The following SLC4A5 variants were observed in gnomAD, a reference collection of about 807,000 sequenced individuals.
SLC4A5 encodes solute carrier family 4 member 5.
SLC4A5 carries 96 observed loss-of-function variants against 120.4 expected under a neutral mutation model. The ratio of observed to expected loss-of-function variants is 0.80; its 90% CI spans 0.68 to 0.94. The LOEUF is 0.94. Ranked by LOEUF, SLC4A5 falls within the 40% of genes least tolerant of loss-of-function variation. The pLI, the probability that SLC4A5 is intolerant of heterozygous loss-of-function variation, is 0.00. For missense variants in SLC4A5, 1,259 were observed against 1,459.5 expected, an observed-to-expected ratio of 0.86 and a Z score of 2.24; for synonymous variants, 550 against 571.1, an observed-to-expected ratio of 0.96 and a Z score of 0.53.
At chr2:74,326,101 T>C (rs1233458841) in intron 5 of SLC4A5, among the ~76,000 whole-genome samples, 1 of 152,150 alleles carries the variant, frequency 6.6e-6, no homozygotes, top group South Asian at 2.1e-4. Flanking sequence ...CCTGGTATTA[T>C]AATAAGTCCC....
At chr2:74,271,568 A>G (rs1372095786) in intron 8 of SLC4A5, among the ~76,000 whole-genome samples, 1 of 152,092 alleles carries the variant, frequency 6.6e-6, no homozygotes, top group Admixed American at 6.6e-5. Context: ...ATCATGTTTT[A>G]TGATTGTTTT....
At chr2:74,332,148 C>T (rs540935437) in intron 4 of SLC4A5, among the ~76,000 whole-genome samples, 1 of 152,294 alleles carries the variant, frequency 6.6e-6, no homozygotes, top group African/African-American at 2.4e-5. Context: ...TATCTTATTT[C>T]TCATTTGATT....
chr2:74,264,565 T>C (rs1422713416), intron 9 of SLC4A5, among the ~76,000 whole-genome samples: 1 of 151,350 alleles, frequency 6.6e-6, no homozygotes, highest in African/African-American at 2.4e-5. Flanking sequence ...AAATAAACAG[T>C]ACATATGAAA....
At chr2:74,260,368 T>C (rs757529903) in intron 11 of SLC4A5, among the ~76,000 whole-genome samples, 3 of 152,012 alleles carry the variant, frequency 2.0e-5, no homozygotes, top group Non-Finnish European at 4.4e-5. Flanking sequence ...GGCCTTGTCT[T>C]TGCTCTCATC....
chr2:74,312,551 G>A (rs1321164543), intron 6 of SLC4A5, among the ~76,000 whole-genome samples: 2 of 152,010 alleles, frequency 1.3e-5, no homozygotes, highest in Non-Finnish European at 2.9e-5. Context: ...ATTTAATGTA[G>A]GTTTCTTGTC....
intron 14 of SLC4A5, among the ~76,000 whole-genome samples, chr2:74,253,653 T>C (rs1239925046): frequency 6.6e-6 from 1 of 152,040 alleles, no homozygotes; most frequent in East Asian, 1.9e-4. Context: ...TAATTTTACA[T>C]AAACACACTC....
At chr2:74,304,261 C>G (rs975386543) in intron 7 of SLC4A5, among the ~76,000 whole-genome samples, 1 of 152,190 alleles carries the variant, frequency 6.6e-6, no homozygotes, top group East Asian at 1.9e-4. Context: ...GGATCAGAGT[C>G]GAGGTCTCAA....
At chr2:74,263,480 A>AGTAG (rs1671206088) in intron 10 of SLC4A5, among the ~76,000 whole-genome samples, 1 of 152,220 alleles carries the variant, frequency 6.6e-6, no homozygotes, top group Admixed American at 6.5e-5. Context: ...TGACAGGCTC[A>AGTAG]GTAGGGCTAG....
chr2:74,231,286 T>C, exon 25 of SLC4A5: 1 of 1,612,420 alleles, frequency 6.2e-7, no homozygotes, highest in Non-Finnish European at 8.5e-7. Flanking sequence ...ATGAAGACGA[T>C]GATGCCGGTT....
At chr2:74,303,064 TTG>T (rs1018020092) in intron 7 of SLC4A5, among the ~76,000 whole-genome samples, 3 of 149,746 alleles carry the variant, frequency 2.0e-5, no homozygotes, top group Non-Finnish European at 4.5e-5. Context: ...AAGTGTTTTT[TTG>T]TGTGTGTGTG....
At chr2:74,319,229 G>C (rs963404776) in intron 5 of SLC4A5, among the ~76,000 whole-genome samples, 1 of 152,106 alleles carries the variant, frequency 6.6e-6, no homozygotes, top group East Asian at 1.9e-4. Flanking sequence ...GGGTAGGAAG[G>C]GGGTGAGGGT....
chr2:74,274,511 A>C (rs1424134119), intron 8 of SLC4A5, among the ~76,000 whole-genome samples: 2 of 152,206 alleles, frequency 1.3e-5, no homozygotes, highest in East Asian at 3.8e-4. Flanking sequence ...AGTATAAAAG[A>C]CTGAGGGGGC....
At chr2:74,284,706 C>A (rs1403355614) in intron 8 of SLC4A5, among the ~76,000 whole-genome samples, 1 of 152,028 alleles carries the variant, frequency 6.6e-6, no homozygotes, top group African/African-American at 2.4e-5. Flanking sequence ...CAGTTAAGTC[C>A]CAAGGCCCCT....
intron 8 of SLC4A5, among the ~76,000 whole-genome samples, chr2:74,281,812 A>C (rs961644291): frequency 2.6e-5 from 4 of 151,742 alleles, no homozygotes; most frequent in Non-Finnish European, 1.5e-5. Flanking sequence ...TAAAGCAAAC[A>C]CTCCCTGCAG....
At chr2:74,307,023 G>A (rs1251537683) in intron 6 of SLC4A5, 2 of 583,128 alleles carry the variant, frequency 3.4e-6, no homozygotes, top group South Asian at 1.6e-5. Flanking sequence ...CATCTGCAGG[G>A]TGTAGTGGGC....
At chr2:74,233,297 T>G (rs1670156298) in intron 23 of SLC4A5, 105 bp downstream of exon 23, 1 of 1,372,112 alleles carries the variant, frequency 7.3e-7, no homozygotes, top group South Asian at 1.2e-5. Context: ...TGTCCTCATA[T>G]TTTCCTGGCC....
chr2:74,218,903 A>G (rs569884065), intron 30 of SLC4A5, 111 bp from the exon 31 acceptor site: 91 of 152,546 alleles, frequency 6.0e-4, no homozygotes, highest in Non-Finnish European at 1.1e-3. Context: ...AACTCTCAGC[A>G]CATGCCAGAA....
chr2:74,335,562 C>T (rs1452690705), intron 3 of SLC4A5, among the ~76,000 whole-genome samples: 3 of 152,188 alleles, frequency 2.0e-5, no homozygotes, highest in East Asian at 1.9e-4. Flanking sequence ...TCTCTCAGAG[C>T]GTATGTCACT....
intron 7 of SLC4A5, among the ~76,000 whole-genome samples, chr2:74,301,220 C>T (rs1295861090): frequency 1.3e-5 from 2 of 152,166 alleles, no homozygotes; most frequent in Non-Finnish European, 2.9e-5. Flanking sequence ...TAATATTATA[C>T]ATTTAGTTAA....
Sources: gnomAD v4.1 joint callset for allele counts (sites outside exome capture counted in the v4.1 genomes callset) on GRCh38, gnomAD v4.1.1 for gene constraint, MANE v1.5 for transcripts, NCBI Gene and HGNC (gene_info 2026-07-23, HGNC 2026-07-21) for gene names.